Variants in WDR90 observed in about 807,000 individuals in gnomAD.
The protein encoded by WDR90 is WD repeat-containing protein 90.
A neutral mutation model predicts 195.2 loss-of-function variants in WDR90; 238 were observed. That is an observed-to-expected ratio of 1.22 (90% CI 1.10 to 1.36). The LOEUF is 1.36. Ranked by LOEUF, WDR90 falls within the 40% of genes most tolerant of loss-of-function variation. WDR90 has a pLI of 0.00. For synonymous variants in WDR90, 1,265 were observed against 1,052.4 expected (o/e 1.20, Z -3.91); for missense variants, 2,734 against 2,439.5 (o/e 1.12, Z -2.54).
chr16:664,015 T>C (rs1011521038), intron 34 of WDR90, among the ~76,000 whole-genome samples: 12 of 152,152 alleles, frequency 7.9e-5, no homozygotes, highest in Non-Finnish European at 1.8e-4. Context: ...TAGAAACCTG[T>C]CTTTAGTATT....
chr16:660,940 CCGCCCCACGG>C, intron 28 of WDR90, 101 bp from the exon 29 acceptor site: 1 of 571,682 alleles, frequency 1.7e-6, no homozygotes, highest in Non-Finnish European at 2.3e-6. Context: ...CCCCTTGGCC[CCGCCCCACGG>C]CTCGGCCCAG....
In WDR90 at chr16:660,150, C is replaced by G. The variant is rs906315291; in HGVS notation, c.3277C>G (p.His1093Asp). 6.5e-7 allele frequency: 1 copy of G among 1,533,956 alleles called. No individual in the cohort carries two copies. The highest frequency in any genetic ancestry group is 1.4e-5 in the African/African-American group (1 of 72,798). Residue 1093 changes from histidine (H) to aspartate (D), a missense_variant, in exon 27 of 41, where the codon CAC (histidine) becomes GAC (aspartate). Coordinates refer to ENST00000293879, the MANE Select transcript of WDR90 (RefSeq NM_145294.5). ...GCCTGCCAGGGTCAGCTGCAGCCCC[C>G]ACTCTGCCAAGGTGGGGAGTGGTTT... ...FTPARVSCSP[H>D]SAKGTCPPPA...
At position 650,044 on chromosome 16, in the gene WDR90, C is replaced by T; in HGVS notation, c.156C>T (p.Ala52=). The T allele has an allele frequency of 6.2e-7, 1 of 1,612,872 alleles. No individual in the cohort carries two copies. Among genetic ancestry groups the T allele is most frequent in the Non-Finnish European group, 8.5e-7 (1 of 1,179,978 alleles). Residue 52 remains alanine, a synonymous_variant, in exon 3 of 41, where the codon GCC becomes GCT. Transcript: ENST00000293879. ...VYRIRGSVSA[A]NYIQLPKSST... ...GCATTCGGGGCTCAGTCTCTGCCGC[C>T]AACTACATCCAGCTCCCTAAGAGCA...
chr16:658,973 C>A lies in WDR90; in HGVS notation c.2973C>A (p.Asp991Glu). The change falls in exon 24 of 41, where the codon GAC becomes GAA. Residue 991 changes from aspartate to glutamate, a missense_variant. Asp to Glu is a conservative substitution (Grantham distance 45). Coordinates refer to ENST00000293879, the MANE Select transcript of WDR90 (RefSeq NM_145294.5). ...PDQQQVLSAG[D>E]AVFLWDVLAP... The stretch of plus-strand genomic sequence containing the variant: ...AGCAGCAGGTCCTCAGCGCAGGGGA[C>A]GCCGTCTTCCTCTGGGATGTCCTGG... 1.9e-6 allele frequency: 3 copies of A among 1,612,840 alleles called. No homozygotes were observed. The highest frequency in any genetic ancestry group is 2.5e-6 in the Non-Finnish European group (3 of 1,179,930).
At position 666,601 on chromosome 16, in the gene WDR90, A is replaced by G; in HGVS notation, c.4884+3A>G. 1 of 1,612,336 alleles carries G rather than the reference A, an allele frequency of 6.2e-7. No homozygotes were observed. Among genetic ancestry groups the G allele is most frequent in the Non-Finnish European group, 8.5e-7 (1 of 1,179,720 alleles). On this transcript the variant is annotated splice_donor_region_variant and intron_variant, in intron 38 of 40. Transcript: ENST00000293879. ...TCCCAATGCCTGCCACCACGGAGGT[A>G]AACCATGCTCCTGGCACTGTGGGTG... is the stretch of plus-strand genomic sequence containing the variant.
At chr16:663,607 G>C (rs1486096077) in intron 34 of WDR90, 2 of 162,786 alleles carry the variant, frequency 1.2e-5, no homozygotes, top group Non-Finnish European at 2.7e-5. Flanking sequence ...TCAGGTTCTG[G>C]TTGGTGTTGG....
Position 661,382 on chromosome 16 carries a change from A to C in WDR90, c.3554A>C (p.His1185Pro). The change falls in exon 30 of 41, where the codon CAT becomes CCT. Residue 1185 changes from histidine (H) to proline (P), a missense_variant. Transcript: ENST00000293879. ...TCGGGCCGAAGCAGCACGACCGCCC[A>C]TTGTCAGATCCGCGTCTGGGACGTG... is the stretch of plus-strand genomic sequence containing the variant. Reference protein sequence around the residue: ...SASGRSSTTAHCQIRVWDVSG... With the variant: ...SASGRSSTTAPCQIRVWDVSG... 1 of 1,610,828 alleles carries C rather than the reference A, an allele frequency of 6.2e-7. No homozygotes were observed. The highest frequency in any genetic ancestry group is 8.5e-7 in the Non-Finnish European group (1 of 1,179,798).
At chr16:660,199 C>A (rs943308620) in intron 27 of WDR90, 38 bp downstream of exon 27, 2 of 1,466,128 alleles carry the variant, frequency 1.4e-6, no homozygotes, top group Admixed American at 2.3e-5. Context: ...TTATCCCCAG[C>A]AAGCACAGAG....
chr16:660,993 CCTCCCCG>C (rs1567220600), intron 28 of WDR90, 51 bp from the exon 29 acceptor site: 8 of 81,016 alleles, frequency 9.9e-5, no homozygotes, highest in Admixed American at 2.9e-4. Flanking sequence ...TCCCCAGGCC[CCTCCCCG>C]CCCCCCCCCC....
At chr16:662,141 C>T in intron 32 of WDR90, 79 bp from the exon 33 acceptor site, 2 of 1,539,194 alleles carry the variant, frequency 1.3e-6, no homozygotes, top group Non-Finnish European at 1.7e-6. Context: ...TCATCTGTAG[C>T]CCTGGCGTCC....
rs749710796 is a variant in WDR90 at position 655,415 on chromosome 16, C to T, written c.1665C>T (p.Asp555=). 3.1e-6 allele frequency: 5 copies of T among 1,587,432 alleles called. No individual in the cohort carries two copies. Among genetic ancestry groups the T allele is most frequent in the South Asian group, 1.1e-5 (1 of 89,432 alleles). ...AGCACCACGCGCTGCAGTTCACCGA[C>T]CTGGCCTTCAAGCAGGCCCGGGACG... ...LGEHHALQFT[D]LAFKQARDGC... is the part of the protein sequence containing the mutation. The change falls in exon 15 of 41, where the codon GAC becomes GAT. Residue 555 remains aspartate, a synonymous_variant. Transcript: ENST00000293879.
intron 13 of WDR90, 44 bp from the exon 14 acceptor site, chr16:654,985 C>G: frequency 6.3e-7 from 1 of 1,588,424 alleles, no homozygotes; most frequent in Non-Finnish European, 8.6e-7. Context: ...TCGAGGTGGC[C>G]CCGACTGGCC....
In WDR90 at chr16:656,413, A is replaced by G; in HGVS notation, c.2078A>G (p.His693Arg). The G allele has an allele frequency of 6.2e-7, 1 of 1,607,300 alleles. No homozygotes were observed. Among genetic ancestry groups the G allele is most frequent in the Non-Finnish European group, 8.5e-7 (1 of 1,179,016 alleles). Residue 693 changes from histidine (H) to arginine (R), a missense_variant, in exon 18 of 41, where the codon CAC (histidine) becomes CGC (arginine). Coordinates refer to ENST00000293879, the MANE Select transcript of WDR90 (RefSeq NM_145294.5). Reference protein sequence around the residue: ...GFLDTLSRVYHMLARSHTAPV... With the variant: ...GFLDTLSRVYRMLARSHTAPV... ...CTGGACACGCTGTCCCGGGTGTACC[A>G]CATGCTGGCTCGCTCCCACACCGCC...
chr16:653,850 C>T (rs759478651), intron 13 of WDR90, 47 bp downstream of exon 13: 42 of 1,604,352 alleles, frequency 2.6e-5, no homozygotes, highest in East Asian at 2.2e-4. Flanking sequence ...TCCTGATGCA[C>T]GCAGACAGCT....
In WDR90 at chr16:666,953, T is replaced by TC; in HGVS notation, c.5058dup (p.Gly1687ArgfsTer11). On this transcript the variant is annotated frameshift_variant, in exon 40 of 41. Coordinates refer to ENST00000293879, the MANE Select transcript of WDR90 (RefSeq NM_145294.5). LOFTEE classifies it low-confidence loss of function (END_TRUNC). The stretch of plus-strand genomic sequence containing the variant: ...CTTTTTTGCCATGTCCCTGAGCCTG[T>TC]CCCCCGGGACCCACCTCCTGGCTGT... The TC allele has an allele frequency of 1.2e-6, 2 of 1,611,560 alleles. No homozygotes were observed. The highest frequency in any genetic ancestry group is 1.1e-5 in the South Asian group (1 of 90,784).
intron 15 of WDR90, 29 bp downstream of exon 15, chr16:655,497 C>A: frequency 6.5e-7 from 1 of 1,532,232 alleles, no homozygotes; most frequent in Non-Finnish European, 8.8e-7. Context: ...CCACGGCCTG[C>A]CCCGGCATGG....
intron 34 of WDR90, 144 bp from the exon 35 acceptor site, chr16:665,534 CT>C (rs758126903): frequency 6.6e-6 from 9 of 1,364,712 alleles, no homozygotes; most frequent in Non-Finnish European, 8.2e-6. Flanking sequence ...GGCATTGCTC[CT>C]TTCCGCCATG....
In WDR90 at chr16:657,869, A is replaced by T; in HGVS notation, c.2581A>T (p.Met861Leu). The change falls in exon 21 of 41, where the codon ATG (methionine) becomes TTG (leucine). Residue 861 changes from methionine to leucine, a missense_variant. Transcript: ENST00000293879. Reference sequence around the variant, plus strand: ...ACCCTCCAGGTGCACAGTGACAGTCATGGGCTCGGCCTCCCTTGATGAGGT... The same window carrying T: ...ACCCTCCAGGTGCACAGTGACAGTCTTGGGCTCGGCCTCCCTTGATGAGGT... ...VGPSRCTVTV[M>L]GSASLDELLR... The T allele has an allele frequency of 6.3e-7, 1 of 1,586,802 alleles. No individual in the cohort carries two copies. Among genetic ancestry groups the T allele is most frequent in the South Asian group, 1.1e-5 (1 of 87,512 alleles).
chr16:657,181 C>A lies in WDR90; in HGVS notation c.2433C>A (p.Tyr811Ter), dbSNP rs1338231344. The A allele has an allele frequency of 6.4e-7, 1 of 1,556,968 alleles. No homozygotes were observed. The highest frequency in any genetic ancestry group is 8.7e-7 in the Non-Finnish European group (1 of 1,150,894). ...SSCSQGSLAQ[Y>*]SCADPQWHVL... is the part of the protein sequence containing the mutation. Reference sequence around the variant, plus strand: ...GCTCCCAGGGCTCCCTGGCCCAGTACAGCTGTGCGGACCCCCAGTGGCATG... The same window carrying A: ...GCTCCCAGGGCTCCCTGGCCCAGTAAAGCTGTGCGGACCCCCAGTGGCATG... The change falls in exon 20 of 41, where the codon TAC becomes TAA. Residue 811 changes from tyrosine to a stop codon, truncating the protein, a stop_gained. Transcript: ENST00000293879. LOFTEE classifies it high-confidence loss of function.
Sources: allele counts gnomAD v4.1 joint callset (sites outside exome capture counted in the v4.1 genomes callset), GRCh38; gene constraint gnomAD v4.1.1; transcripts MANE v1.5; gene names NCBI Gene and HGNC (gene_info 2026-07-23, HGNC 2026-07-21).